DAB1: variants seen among roughly 807,000 people sequenced by gnomAD.
DAB1 encodes disabled homolog 1.
In DAB1, 15 loss-of-function variants were observed where a neutral mutation model predicts 64.6. The observed-to-expected ratio is 0.23, with a 90% CI of 0.16 to 0.36. The LOEUF (loss-of-function observed/expected upper bound fraction) is 0.36, where lower values mean the gene tolerates loss of function less well. Among genes scored for constraint, DAB1 ranks in the 10% least tolerant of loss-of-function variants. The probability of loss-of-function intolerance (pLI) is 1.00; values close to 1 mark genes in which losing one functional copy is unlikely to be tolerated. For synonymous variants in DAB1, 235 were observed against 251.9 expected, an observed-to-expected ratio of 0.93 and a Z score of 0.64; for missense variants, 596 against 706.7, an observed-to-expected ratio of 0.84 and a Z score of 1.78.
chr1:57,382,681 G>A (rs947708561), intron 1 of DAB1, among the ~76,000 whole-genome samples: 2 of 152,000 alleles, frequency 1.3e-5, no homozygotes, highest in African/African-American at 4.8e-5. Context: ...TCCTTCTCAC[G>A]CTGCCAACTC....
intron 5 of DAB1, among the ~76,000 whole-genome samples, chr1:57,951,094 G>A (rs188489909): frequency 6.6e-6 from 1 of 152,096 alleles, no homozygotes; most frequent in African/African-American, 2.4e-5. Flanking sequence ...GAGCTGCCAT[G>A]TTAACACATA....
At chr1:58,189,692 AC>A (rs760473029) in intron 4 of DAB1, among the ~76,000 whole-genome samples, 21 of 152,116 alleles carry the variant, frequency 1.4e-4, no homozygotes, top group Non-Finnish European at 2.1e-4. Context: ...TGTCCTTACT[AC>A]CCTGGCTGAG....
At chr1:57,783,250 G>C (rs760472011) in intron 6 of DAB1, among the ~76,000 whole-genome samples, 8 of 151,524 alleles carry the variant, frequency 5.3e-5, no homozygotes, top group South Asian at 2.1e-4. Flanking sequence ...GCTGGGACTA[G>C]AGGCATGTGC....
At position 58,512,272 on chromosome 1, in the gene DAB1, A is replaced by G. The variant is rs1646089056; in HGVS notation, n.108-6063T>C. ...CATCTAAGTGTTGGCAAGGATGTGA[A>G]GAAACTGGAACTCTTGTACACTGTC... On this transcript the variant is annotated intron_variant and non_coding_transcript_variant, in intron 2 of 20. Coordinates refer to the DAB1 transcript ENST00000485760. 2.6e-5 allele frequency among the ~76,000 whole-genome samples: 4 copies of G among 152,234 alleles called. No homozygotes were observed. In the South Asian group the frequency reaches 8.3e-4, roughly 32 times the overall value.
At chr1:57,160,123 C>T (rs1660609385) in intron 2 of DAB1, among the ~76,000 whole-genome samples, 1 of 152,140 alleles carries the variant, frequency 6.6e-6, no homozygotes, top group South Asian at 2.1e-4. Flanking sequence ...GTGTCTTTTT[C>T]CTGGTGCCCA....
At chr1:57,994,413 G>T (rs948956931) in intron 5 of DAB1, among the ~76,000 whole-genome samples, 1 of 152,214 alleles carries the variant, frequency 6.6e-6, no homozygotes, top group Non-Finnish European at 1.5e-5. Context: ...TGAGTTGGAG[G>T]CTGTATGAGC....
chr1:58,179,643 A>T (rs1312039573), intron 4 of DAB1, among the ~76,000 whole-genome samples: 2 of 152,158 alleles, frequency 1.3e-5, no homozygotes, highest in Admixed American at 1.3e-4. Context: ...AATTCCCTTA[A>T]GCCTTTTAAT....
chr1:57,579,660 T>A (rs1209805626), intron 7 of DAB1, among the ~76,000 whole-genome samples: 1 of 152,192 alleles, frequency 6.6e-6, no homozygotes, highest in African/African-American at 2.4e-5. Context: ...CCCTAGGGGC[T>A]ACCTTAAACC....
chr1:57,000,121 G>T (rs1024883579), intron 14 of DAB1, among the ~76,000 whole-genome samples: 1 of 144,614 alleles, frequency 6.9e-6, no homozygotes, highest in Non-Finnish European at 1.5e-5. Flanking sequence ...TCGGCTCACT[G>T]CAAGCTTGGC....
intron 3 of DAB1, among the ~76,000 whole-genome samples, chr1:58,478,896 T>A (rs1409681895): frequency 6.6e-6 from 1 of 152,208 alleles, no homozygotes; most frequent in East Asian, 1.9e-4. Context: ...CAACTAAGTG[T>A]AGAACATACA....
At chr1:57,590,423 G>A (rs539086504) in intron 7 of DAB1, among the ~76,000 whole-genome samples, 8 of 152,004 alleles carry the variant, frequency 5.3e-5, no homozygotes, top group Non-Finnish European at 8.8e-5. Context: ...GGTTTCAAGC[G>A]ATTCTCCTGC....
intron 3 of DAB1, among the ~76,000 whole-genome samples, chr1:58,492,631 T>C (rs576728533): frequency 5.3e-5 from 8 of 152,202 alleles, no homozygotes; most frequent in East Asian, 1.9e-4. Flanking sequence ...GAGAATACTA[T>C]AAACACCTCT....
intron 7 of DAB1, among the ~76,000 whole-genome samples, chr1:57,553,402 G>A (rs1570620319): frequency 2.7e-4 from 3 of 11,176 alleles, no homozygotes; most frequent in South Asian, 0.026. Context: ...AAGAAAGAAA[G>A]AAAGAAAGAA....
chr1:58,053,748 T>A (rs926041900), intron 5 of DAB1, among the ~76,000 whole-genome samples: 5 of 152,264 alleles, frequency 3.3e-5, no homozygotes, highest in African/African-American at 9.6e-5. Flanking sequence ...ATTCACTTCC[T>A]TCTTCCCTTT....
At chr1:58,452,548 G>A (rs1003284833) in intron 3 of DAB1, among the ~76,000 whole-genome samples, 7 of 151,310 alleles carry the variant, frequency 4.6e-5, no homozygotes, top group Non-Finnish European at 1.0e-4. Context: ...AGTGGCTCAC[G>A]CCTGTAATCC....
intron 9 of DAB1, among the ~76,000 whole-genome samples, chr1:57,039,098 G>A (rs183295819): frequency 2.4e-4 from 37 of 152,336 alleles, no homozygotes; most frequent in African/African-American, 7.9e-4. Flanking sequence ...GGCAGAGTGA[G>A]GGAATGAAAA....
chr1:58,351,763 G>C (rs771995631), intron 3 of DAB1, among the ~76,000 whole-genome samples: 2 of 150,836 alleles, frequency 1.3e-5, no homozygotes, highest in Non-Finnish European at 2.9e-5. Context: ...CAGGATTCCT[G>C]TAAGGTTAAA....
intron 3 of DAB1, among the ~76,000 whole-genome samples, chr1:58,435,717 A>C (rs997519174): frequency 6.6e-6 from 1 of 152,042 alleles, no homozygotes; most frequent in Admixed American, 6.5e-5. Flanking sequence ...TTCTGTCACT[A>C]TTACTGTGTT....
rs1426739464 is a variant in DAB1, at chr1:58,280,820, C to T, written n.309+62532G>A. ...ATGGGGGCAGGGAGTGGGGGTGGCA[C>T]CCAAGGAGTGCACCATCTAGTTACA... is the stretch of plus-strand genomic sequence containing the variant. On this transcript the variant is annotated intron_variant and non_coding_transcript_variant, in intron 4 of 20. Coordinates refer to the DAB1 transcript ENST00000485760. Among the ~76,000 whole-genome samples the T allele has an allele frequency of 3.9e-5, 6 of 152,104 alleles. 1 individual carries two copies. The highest frequency in any genetic ancestry group is 3.9e-4 in the Admixed American group (6 of 15,276).
Sources: gnomAD v4.1 joint callset for allele counts (sites outside exome capture counted in the v4.1 genomes callset) on GRCh38, gnomAD v4.1.1 for gene constraint, MANE v1.5 for transcripts, NCBI Gene and HGNC (gene_info 2026-07-23, HGNC 2026-07-21) for gene names.